The following RANBP17 variants were observed in gnomAD, a reference collection of about 807,000 sequenced individuals.
RANBP17 encodes RAN binding protein 17.
A neutral mutation model predicts 141.2 loss-of-function variants in RANBP17; 158 were observed. The ratio of observed to expected loss-of-function variants is 1.12; its 90% CI spans 0.98 to 1.28. The LOEUF is 1.28. Ranked by LOEUF, RANBP17 falls within the 50% of genes most tolerant of loss-of-function variation. The probability of loss-of-function intolerance (pLI) is 0.00; values close to 1 mark genes in which losing one functional copy is unlikely to be tolerated. For missense variants in RANBP17, 1,438 were observed against 1,290.7 expected, an observed-to-expected ratio of 1.11 and a Z score of -1.75; for synonymous variants, 430 against 450.0, an observed-to-expected ratio of 0.96 and a Z score of 0.56.
At chr5:171,224,262 A>G (rs1763755510) in intron 22 of RANBP17, among the ~76,000 whole-genome samples, 1 of 152,238 alleles carries the variant, frequency 6.6e-6, no homozygotes, top group Non-Finnish European at 1.5e-5. Flanking sequence ...GCATATATGT[A>G]TAAGAATCTC....
At chr5:171,223,219 G>A (rs1043955894) in intron 22 of RANBP17, among the ~76,000 whole-genome samples, 5 of 152,128 alleles carry the variant, frequency 3.3e-5, no homozygotes, top group African/African-American at 1.2e-4. Flanking sequence ...ATTTTTTCAT[G>A]TGTAAAAACT....
At chr5:171,038,641 G>A (rs1782042252) in intron 14 of RANBP17, among the ~76,000 whole-genome samples, 1 of 151,952 alleles carries the variant, frequency 6.6e-6, no homozygotes, top group South Asian at 2.1e-4. Flanking sequence ...AGTTTATTGA[G>A]GGTTTTTATC....
intron 14 of RANBP17, among the ~76,000 whole-genome samples, chr5:171,110,906 A>G (rs1032548214): frequency 3.3e-5 from 5 of 149,318 alleles, no homozygotes; most frequent in Non-Finnish European, 7.4e-5. Context: ...ACATGTGCAC[A>G]TTGTGCAGGT....
intron 4 of RANBP17, among the ~76,000 whole-genome samples, chr5:170,893,247 AAAAACC>A (rs1482073199): frequency 1.3e-5 from 2 of 151,850 alleles, no homozygotes; most frequent in Non-Finnish European, 2.9e-5. Flanking sequence ...AGCCAAAAAA[AAAAACC>A]AAACCAAACC....
At chr5:171,008,424 G>A (rs548445065) in intron 14 of RANBP17, among the ~76,000 whole-genome samples, 9 of 152,268 alleles carry the variant, frequency 5.9e-5, no homozygotes, top group Admixed American at 5.2e-4. Context: ...TGTCACGGAC[G>A]TCCGTGTGAA....
intron 14 of RANBP17, among the ~76,000 whole-genome samples, chr5:171,159,938 A>G (rs942815571): frequency 2.7e-5 from 4 of 150,800 alleles, no homozygotes; most frequent in Admixed American, 1.3e-4. Flanking sequence ...AAAAAAAAAA[A>G]AAAGAAAAAA....
chr5:171,077,908 ACTTC>A (rs1214562850), intron 14 of RANBP17, among the ~76,000 whole-genome samples: 2 of 152,116 alleles, frequency 1.3e-5, no homozygotes, highest in Non-Finnish European at 2.9e-5. Context: ...AACTCTATTC[ACTTC>A]TATGAAGACT....
intron 23 of RANBP17, among the ~76,000 whole-genome samples, chr5:171,242,115 T>C (rs747608631): frequency 6.6e-6 from 1 of 152,060 alleles, no homozygotes; most frequent in Non-Finnish European, 1.5e-5. Flanking sequence ...TGAACCTCCA[T>C]GCCCAGCTTC....
At chr5:171,165,537 C>A (rs1759635683) in intron 14 of RANBP17, among the ~76,000 whole-genome samples, 1 of 152,082 alleles carries the variant, frequency 6.6e-6, no homozygotes, top group Non-Finnish European at 1.5e-5. Context: ...GATTCAGAGA[C>A]CTTAAGAAAC....
rs770873829 is a variant in RANBP17 at position 171,213,750 on chromosome 5, G to C, written c.2339+12G>C. Reference sequence around the variant, plus strand: ...CTTATGCAAAACAGGTAAGCAGTGTGACAGGCAGTGAGAAAAACAGTCTAC... The same window carrying C: ...CTTATGCAAAACAGGTAAGCAGTGTCACAGGCAGTGAGAAAAACAGTCTAC... On this transcript the variant is annotated intron_variant, in intron 21 of 27. Transcript: ENST00000523189. 1.9e-6 allele frequency: 3 copies of C among 1,560,004 alleles called. No individual in the cohort carries two copies. The highest frequency in any genetic ancestry group is 2.7e-6 in the Non-Finnish European group (3 of 1,130,902).
At chr5:171,063,604 G>T (rs902314962) in intron 14 of RANBP17, among the ~76,000 whole-genome samples, 3 of 152,214 alleles carry the variant, frequency 2.0e-5, no homozygotes, top group African/African-American at 7.2e-5. Flanking sequence ...CTGCTCGGGG[G>T]TCAGGGGTCA....
At chr5:170,919,766 A>T (rs1179729672) in intron 11 of RANBP17, among the ~76,000 whole-genome samples, 153 bp downstream of exon 11, 1 of 152,074 alleles carries the variant, frequency 6.6e-6, no homozygotes, top group Non-Finnish European at 1.5e-5. Context: ...CACAATTGAG[A>T]TATAGATTAG....
intron 14 of RANBP17, among the ~76,000 whole-genome samples, chr5:171,030,898 G>A (rs911662665): frequency 2.6e-5 from 4 of 151,936 alleles, no homozygotes; most frequent in Non-Finnish European, 5.9e-5. Context: ...CTTTGGAAAT[G>A]CTTACATTTC....
At position 170,901,062 on chromosome 5, in the gene RANBP17, C is replaced by T. The variant is rs146103958; in HGVS notation, c.489+4947C>T. Among the ~76,000 whole-genome samples, 31 of 152,216 alleles carry T rather than the reference C, an allele frequency of 2.0e-4. 1 individual carries two copies. The East Asian group carries it at 5.4e-3, about 27-fold the overall frequency. On this transcript the variant is annotated intron_variant, in intron 5 of 27. Transcript: ENST00000523189. ...GAGCTGAGTTCAAGTCCTGAATATC[C>T]TTGTTAATTTTCTTTCTCGTTGATC...
intron 14 of RANBP17, among the ~76,000 whole-genome samples, chr5:171,046,064 C>T (rs1286446362): frequency 6.6e-6 from 1 of 152,124 alleles, no homozygotes; most frequent in Non-Finnish European, 1.5e-5. Flanking sequence ...TCTCCTTCTT[C>T]CCAAATTATA....
At chr5:170,965,265 T>C (rs1290648597) in intron 13 of RANBP17, among the ~76,000 whole-genome samples, 1 of 151,416 alleles carries the variant, frequency 6.6e-6, no homozygotes, top group African/African-American at 2.4e-5. Flanking sequence ...TTCTTGTAAA[T>C]TTGTTTGAGT....
chr5:171,074,625 C>T (rs979053346), intron 14 of RANBP17, among the ~76,000 whole-genome samples: 1 of 152,132 alleles, frequency 6.6e-6, no homozygotes. Context: ...TGTTTCAAGA[C>T]AAAATGTTTA....
intron 12 of RANBP17, among the ~76,000 whole-genome samples, chr5:170,944,511 G>T (rs966520435): frequency 6.6e-6 from 1 of 152,116 alleles, no homozygotes; most frequent in African/African-American, 2.4e-5. Flanking sequence ...GAAGTGATGT[G>T]CCTGCCTCAG....
At chr5:171,216,096 G>T (rs1561772057) in intron 21 of RANBP17, among the ~76,000 whole-genome samples, 1 of 149,924 alleles carries the variant, frequency 6.7e-6, no homozygotes, top group East Asian at 1.9e-4. Flanking sequence ...GGTGTAAGGG[G>T]TCCAGTTTCA....
Sources: gnomAD v4.1 joint callset for allele counts (sites outside exome capture counted in the v4.1 genomes callset) on GRCh38, gnomAD v4.1.1 for gene constraint, MANE v1.5 for transcripts, NCBI Gene and HGNC (gene_info 2026-07-23, HGNC 2026-07-21) for gene names.